The following KCNN2 variants were observed in gnomAD, a reference collection of about 807,000 sequenced individuals.
The protein encoded by KCNN2 is potassium calcium-activated channel subfamily N member 2.
Under a neutral mutation model 55.5 loss-of-function variants are expected in KCNN2, and 24 were observed. The observed-to-expected ratio is 0.43, with a 90% CI of 0.31 to 0.61. The LOEUF (loss-of-function observed/expected upper bound fraction) is 0.61. Among genes scored for constraint, KCNN2 ranks in the 20% least tolerant of loss-of-function variants. KCNN2 has a pLI of 0.08. For synonymous variants in KCNN2, 431 were observed against 336.1 expected (o/e 1.28, Z -3.09); for missense variants, 754 against 853.6 (o/e 0.88, Z 1.45).
intron 1 of KCNN2, among the ~76,000 whole-genome samples, chr5:114,141,531 T>C (rs574024047): frequency 6.6e-5 from 10 of 152,324 alleles, no homozygotes; most frequent in Non-Finnish European, 1.0e-4. Flanking sequence ...CAGTCTATCA[T>C]TGATGGACAT....
intron 2 of KCNN2, among the ~76,000 whole-genome samples, chr5:114,242,532 G>C (rs1754666147): frequency 6.6e-6 from 1 of 152,252 alleles, no homozygotes; most frequent in Middle Eastern, 3.4e-3. Flanking sequence ...TCTACCAAAA[G>C]AATGATTATA....
intron 2 of KCNN2, among the ~76,000 whole-genome samples, chr5:114,290,223 C>A (rs1288170714): frequency 6.6e-6 from 1 of 152,074 alleles, no homozygotes; most frequent in Non-Finnish European, 1.5e-5. Context: ...CACGTGAAAT[C>A]TGGTGCTGGA....
chr5:114,320,110 A>G (rs982865116), intron 2 of KCNN2, among the ~76,000 whole-genome samples: 1 of 152,150 alleles, frequency 6.6e-6, no homozygotes, highest in Non-Finnish European at 1.5e-5. Context: ...ATATCCCCAA[A>G]CATGAATGAG....
At position 114,362,912 on chromosome 5, in the gene KCNN2, C is replaced by A; in HGVS notation, c.773C>A (p.Ala258Glu). The A allele has an allele frequency of 1.3e-6, 2 of 1,584,538 alleles. No individual in the cohort carries two copies. Among genetic ancestry groups the A allele is most frequent in the African/African-American group, 1.4e-5 (1 of 73,652 alleles). ...GCGTCTGTCGGAGGAGGTGGCGGCG[C>A]GTCCTCCCCGTCTGCAGCCGCTGCC... ...PPASVGGGGG[A>E]SSPSAAAAAA... Residue 258 changes from alanine (A) to glutamate (E), a missense_variant, in exon 1 of 8, where the codon GCG becomes GAG. By Grantham distance (107) the Ala-to-Glu change is moderately radical. Transcript: ENST00000673685.
At position 114,362,934 on chromosome 5, in the gene KCNN2, T is replaced by TGCC. The variant is rs111266015; in HGVS notation, c.807_809dup (p.Ala270dup). 0.46 allele frequency: 718,176 copies of TGCC among 1,560,626 alleles called. 169,803 individuals carry two copies. Among genetic ancestry groups the TGCC allele is most frequent in the East Asian group, 0.86 (35,451 of 41,058 alleles). ...GCGCGTCCTCCCCGTCTGCAGCCGC[T>TGCC]GCCGCCGCCGCCGCTGTTTCGTCCT... On this transcript the variant is annotated inframe_insertion, in exon 1 of 8. Coordinates refer to ENST00000673685, the MANE Select transcript of KCNN2 (RefSeq NM_021614.4).
chr5:114,212,605 C>G (rs1334243354), intron 1 of KCNN2, among the ~76,000 whole-genome samples: 1 of 150,700 alleles, frequency 6.6e-6, no homozygotes, highest in Non-Finnish European at 1.5e-5. Context: ...TCTGCCTAAA[C>G]TTCAAGTCTA....
Position 114,406,742 on chromosome 5 carries a change from T to C in KCNN2, c.1637+1886T>C, listed in dbSNP as rs139792365. 1.5e-3 allele frequency among the ~76,000 whole-genome samples: 231 copies of C among 152,304 alleles called. 1 individual carries two copies. The highest frequency in any genetic ancestry group is 5.1e-3 in the African/African-American group (212 of 41,568). On this transcript the variant is annotated intron_variant, in intron 3 of 7. Transcript: ENST00000673685. ...TGCATCTCTATCATGTTGGGGACTT[T>C]CTTTGCCTTTTTTGTATGCTCAGTA...
intron 3 of KCNN2, among the ~76,000 whole-genome samples, chr5:114,455,646 T>C (rs1289377341): frequency 6.6e-6 from 1 of 152,238 alleles, no homozygotes; most frequent in Admixed American, 6.5e-5. Flanking sequence ...TGGGATAAGC[T>C]GAAAGCTAGG....
chr5:114,278,346 C>T (rs535693193), intron 2 of KCNN2, among the ~76,000 whole-genome samples: 31 of 152,312 alleles, frequency 2.0e-4, no homozygotes, highest in African/African-American at 3.8e-4. Context: ...TATCAGAGCT[C>T]GAATGCCATG....
chr5:114,297,454 A>G lies in KCNN2; in HGVS notation c.-184-63491A>G, dbSNP rs1278325026. ...TTATTCAGAGAAAAGAATATGTGCT[A>G]CTTGATGACAGTGACAGTTCAGTGA... On this transcript the variant is annotated intron_variant, in intron 2 of 10. Transcript: ENST00000512097. Among the ~76,000 whole-genome samples the G allele has an allele frequency of 2.6e-5, 4 of 152,204 alleles. No individual in the cohort carries two copies. The East Asian group carries it at 7.7e-4, about 29-fold the overall frequency.
chr5:114,056,009 G>C (rs1180541208), upstream of KCNN2: 6 of 211,132 alleles, frequency 2.8e-5, no homozygotes, highest in Non-Finnish European at 5.6e-5. Flanking sequence ...CTGAGCATTC[G>C]GGCCCCCGCC....
intron 2 of KCNN2, among the ~76,000 whole-genome samples, chr5:114,326,135 G>A (rs1003532853): frequency 6.6e-6 from 1 of 152,264 alleles, no homozygotes; most frequent in Non-Finnish European, 1.5e-5. Context: ...TTGCAGGCAC[G>A]TGTGTGTGAT....
At chr5:114,205,977 T>G (rs1187742228) in intron 1 of KCNN2, among the ~76,000 whole-genome samples, 1 of 152,194 alleles carries the variant, frequency 6.6e-6, no homozygotes, top group African/African-American at 2.4e-5. Context: ...AATAATTTTC[T>G]ACTCTAGATG....
At chr5:114,210,996 A>G (rs1753870215) in intron 1 of KCNN2, among the ~76,000 whole-genome samples, 1 of 152,174 alleles carries the variant, frequency 6.6e-6, no homozygotes, top group Non-Finnish European at 1.5e-5. Context: ...GAGAAATGCA[A>G]ATCAAAACAA....
intron 3 of KCNN2, among the ~76,000 whole-genome samples, chr5:114,451,963 C>CATTAT (rs1378644077): frequency 6.6e-5 from 10 of 151,524 alleles, no homozygotes; most frequent in South Asian, 4.2e-4. Context: ...GATGTAGCAG[C>CATTAT]ATTATACTGC....
intron 1 of KCNN2, among the ~76,000 whole-genome samples, chr5:114,148,626 T>C (rs62382864): frequency 0.1 from 15,735 of 151,122 alleles, 841 homozygotes; most frequent in Middle Eastern, 0.14. Context: ...GAGGGGAGAG[T>C]TCTAAAAGGA....
intron 1 of KCNN2, among the ~76,000 whole-genome samples, chr5:114,202,583 A>ATTTTTTT (rs201896679): frequency 5.4e-5 from 3 of 55,400 alleles, no homozygotes; most frequent in Admixed American, 2.4e-4. Flanking sequence ...ATATATATAT[A>ATTTTTTT]TATTTTTTTT....
intron 2 of KCNN2, among the ~76,000 whole-genome samples, chr5:114,298,695 C>T (rs1756084698): frequency 6.6e-6 from 1 of 152,082 alleles, no homozygotes; most frequent in Non-Finnish European, 1.5e-5. Context: ...GTAGTAAAAC[C>T]ATGGGTGATT....
chr5:114,117,613 C>T lies in KCNN2; in HGVS notation c.-271+61113C>T, dbSNP rs534220824. Among the ~76,000 whole-genome samples, 5 of 152,284 alleles carry T rather than the reference C, an allele frequency of 3.3e-5. No homozygotes were observed. The East Asian group carries it at 7.7e-4, about 24-fold the overall frequency. ...ACCCAGGCATCCAGAAGAGAGATAG[C>T]TCAAGAGGCCTGGGGGAAATAAGAT... is the stretch of plus-strand genomic sequence containing the variant. On this transcript the variant is annotated intron_variant, in intron 1 of 10. Coordinates refer to the KCNN2 transcript ENST00000512097.
Sources: gnomAD v4.1 joint callset for allele counts (sites outside exome capture counted in the v4.1 genomes callset) on GRCh38, gnomAD v4.1.1 for gene constraint, MANE v1.5 for transcripts, NCBI Gene and HGNC (gene_info 2026-07-23, HGNC 2026-07-21) for gene names.